KIAA1217: variants seen among roughly 807,000 people sequenced by gnomAD.
The protein encoded by KIAA1217 is sickle tail protein homolog.
KIAA1217 carries 88 observed loss-of-function variants against 163.9 expected under a neutral mutation model. The ratio of observed to expected loss-of-function variants is 0.54; its 90% CI spans 0.45 to 0.64. The LOEUF is 0.64. KIAA1217 is among the 30% of genes least tolerant of loss of function. KIAA1217 has a pLI of 0.00. For missense variants in KIAA1217, 2,372 were observed against 2,475.0 expected (o/e 0.96, Z 0.88); for synonymous variants, 903 against 923.1 (o/e 0.98, Z 0.39).
At chr10:23,916,583 T>C (rs771535237) in intron 1 of KIAA1217, among the ~76,000 whole-genome samples, 44 of 152,208 alleles carry the variant, frequency 2.9e-4, no homozygotes, top group Non-Finnish European at 5.7e-4. Flanking sequence ...ACACTAAATA[T>C]GAAAGTATTT....
chr10:23,820,240 CA>C (rs2131010424), intron 1 of KIAA1217, among the ~76,000 whole-genome samples: 1 of 152,302 alleles, frequency 6.6e-6, no homozygotes, highest in Admixed American at 6.5e-5. Context: ...TCTTCTATTT[CA>C]TATCCCTTAT....
chr10:24,314,750 G>A (rs1055166678), intron 2 of KIAA1217, among the ~76,000 whole-genome samples: 5 of 151,948 alleles, frequency 3.3e-5, no homozygotes, highest in African/African-American at 1.2e-4. Context: ...AGACCATCCT[G>A]GCTAACACAG....
chr10:23,916,140 A>G (rs372751293), intron 1 of KIAA1217, among the ~76,000 whole-genome samples: 1 of 152,160 alleles, frequency 6.6e-6, no homozygotes, highest in East Asian at 1.9e-4. Context: ...TTCTTGCCCT[A>G]TTCCAAGGAA....
At chr10:23,772,283 C>T (rs1834833534) in intron 1 of KIAA1217, among the ~76,000 whole-genome samples, 1 of 152,154 alleles carries the variant, frequency 6.6e-6, no homozygotes, top group South Asian at 2.1e-4. Flanking sequence ...AATTTTTATG[C>T]ATTAGACTCT....
chr10:24,105,389 T>C (rs943308833), intron 2 of KIAA1217, among the ~76,000 whole-genome samples: 1 of 152,146 alleles, frequency 6.6e-6, no homozygotes, highest in African/African-American at 2.4e-5. Context: ...GAAGCCAGGA[T>C]GTACTGGGAG....
chr10:24,404,906 T>G (rs2057035048), intron 3 of KIAA1217, among the ~76,000 whole-genome samples: 1 of 152,190 alleles, frequency 6.6e-6, no homozygotes, highest in Non-Finnish European at 1.5e-5. Context: ...ACCATTCCAC[T>G]GATACAAAAC....
chr10:24,275,083 A>G (rs2077137962), intron 2 of KIAA1217, among the ~76,000 whole-genome samples: 1 of 152,146 alleles, frequency 6.6e-6, no homozygotes, highest in African/African-American at 2.4e-5. Context: ...GACTACAGGC[A>G]CACGCCACCA....
intron 1 of KIAA1217, among the ~76,000 whole-genome samples, chr10:23,785,840 TGAG>T (rs974268915): frequency 2.6e-5 from 4 of 151,840 alleles, no homozygotes; most frequent in African/African-American, 7.3e-5. Flanking sequence ...GTAAAAGAGT[TGAG>T]GAGAAAAGAG....
At chr10:24,204,336 G>A (rs2067429862), upstream of KIAA1217, among the ~76,000 whole-genome samples, 2 of 152,196 alleles carry the variant, frequency 1.3e-5, no homozygotes, top group Admixed American at 6.5e-5. Flanking sequence ...TCTTAACGCA[G>A]AAGGGAAAAT....
At chr10:24,398,534 G>A (rs1330710818) in intron 3 of KIAA1217, among the ~76,000 whole-genome samples, 1 of 152,142 alleles carries the variant, frequency 6.6e-6, no homozygotes, top group East Asian at 1.9e-4. Context: ...GGGCAGGAGT[G>A]GAAGTTTGTT....
intron 1 of KIAA1217, among the ~76,000 whole-genome samples, chr10:23,974,892 C>A (rs183381646): frequency 6.6e-6 from 1 of 151,408 alleles, no homozygotes; most frequent in African/African-American, 2.4e-5. Context: ...TTCCCCCCCC[C>A]ATAGATAGGC....
chr10:24,202,662 G>A (rs2067326904), intron 2 of KIAA1217, among the ~76,000 whole-genome samples: 1 of 152,162 alleles, frequency 6.6e-6, no homozygotes, highest in Non-Finnish European at 1.5e-5. Flanking sequence ...TCTGAGGGTG[G>A]TTTCCATCTT....
At chr10:23,929,341 A>C (rs971352179) in intron 1 of KIAA1217, among the ~76,000 whole-genome samples, 4 of 152,062 alleles carry the variant, frequency 2.6e-5, no homozygotes, top group African/African-American at 9.7e-5. Flanking sequence ...ATTTTAGACT[A>C]AGGGGGCACA....
chr10:24,258,303 C>T lies in KIAA1217; in HGVS notation c.354+38394C>T, dbSNP rs148356580. Among the ~76,000 whole-genome samples, 723 of 152,248 alleles carry T rather than the reference C, an allele frequency of 4.7e-3. 4 individuals are homozygous for T. The highest frequency in any genetic ancestry group is 6.8e-3 in the Middle Eastern group (2 of 294). ...GGTTGCTGTGTTCTCCAAACCCAAA[C>T]GCATAGATACACACAGACCCACAGA... On this transcript the variant is annotated intron_variant, in intron 2 of 20. Coordinates refer to ENST00000376454, the MANE Select transcript of KIAA1217 (RefSeq NM_019590.5).
intron 1 of KIAA1217, among the ~76,000 whole-genome samples, chr10:23,974,760 A>G (rs1336605480): frequency 6.6e-6 from 1 of 152,198 alleles, no homozygotes; most frequent in East Asian, 1.9e-4. Flanking sequence ...GACCACTGCT[A>G]CTGCTGCTAC....
chr10:24,372,020 AGATGG>A (rs2051721157), intron 2 of KIAA1217, among the ~76,000 whole-genome samples: 2 of 152,212 alleles, frequency 1.3e-5, no homozygotes, highest in Non-Finnish European at 1.5e-5. Flanking sequence ...ATGGGTATAA[AGATGG>A]CAATAATAGA....
rs561183942 is a variant in KIAA1217 at position 24,041,991 on chromosome 10, C to G, written c.-171+34617C>G. ...TTCATATTCCCTATTGCAGCATCTG[C>G]CGTTTGCTCTGAATTGGAGCATTTA... On this transcript the variant is annotated intron_variant, in intron 2 of 18. Coordinates refer to the KIAA1217 transcript ENST00000376462. 2.0e-5 allele frequency: 3 copies of G among 151,912 alleles called. No homozygotes were observed. In the East Asian group the frequency reaches 5.8e-4, roughly 29 times the overall value. 9.4% of individuals were successfully genotyped at this position (151,912 alleles called of 1,614,324 possible).
At chr10:24,295,709 C>T (rs2040514597) in intron 2 of KIAA1217, among the ~76,000 whole-genome samples, 1 of 152,144 alleles carries the variant, frequency 6.6e-6, no homozygotes, top group South Asian at 2.1e-4. Flanking sequence ...TGAAGGGTCT[C>T]TTTGTTGACA....
At chr10:23,985,260 A>G (rs1845924455) in intron 1 of KIAA1217, among the ~76,000 whole-genome samples, 1 of 152,162 alleles carries the variant, frequency 6.6e-6, no homozygotes, top group Non-Finnish European at 1.5e-5. Flanking sequence ...TTATGGCTAC[A>G]TCTTTGATTT....
Sources: gnomAD v4.1 joint callset for allele counts (sites outside exome capture counted in the v4.1 genomes callset) on GRCh38, gnomAD v4.1.1 for gene constraint, MANE v1.5 for transcripts, NCBI Gene and HGNC (gene_info 2026-07-23, HGNC 2026-07-21) for gene names.